The following MROH9 variants were observed in gnomAD, a reference collection of about 807,000 sequenced individuals.
The protein encoded by MROH9 is maestro heat-like repeat-containing protein family member 9.
In MROH9, 92 loss-of-function variants were observed where a neutral mutation model predicts 98.2. The observed-to-expected ratio is 0.94, with a 90% CI of 0.79 to 1.11. MROH9 has a LOEUF of 1.11. Ranked by LOEUF, MROH9 falls within the 50% of genes most tolerant of loss-of-function variation. MROH9 has a pLI of 0.00. For synonymous variants in MROH9, 397 were observed against 368.9 expected (o/e 1.08, Z -0.87); for missense variants, 1,057 against 1,014.8 (o/e 1.04, Z -0.57).
At chr1:171,009,491 T>C (rs1652072250) in intron 15 of MROH9, among the ~76,000 whole-genome samples, 2 of 152,152 alleles carry the variant, frequency 1.3e-5, no homozygotes, top group South Asian at 4.1e-4. Flanking sequence ...AATAAGTAAA[T>C]ATATTAATCC....
At chr1:170,972,829 T>TACAC (rs3980699) in intron 8 of MROH9, among the ~76,000 whole-genome samples, 4,669 of 128,624 alleles carry the variant, frequency 0.036, 138 homozygotes, top group African/African-American at 0.053. Flanking sequence ...AAAAAAAAAA[T>TACAC]ACACACACAC....
At chr1:171,002,596 T>C (rs1423345693) in intron 15 of MROH9, among the ~76,000 whole-genome samples, 1 of 152,204 alleles carries the variant, frequency 6.6e-6, no homozygotes, top group Non-Finnish European at 1.5e-5. Context: ...CCCTTCTAGA[T>C]TGTAGGGTTT....
intron 20 of MROH9, among the ~76,000 whole-genome samples, chr1:171,048,291 A>C (rs1035606804): frequency 6.6e-6 from 1 of 152,188 alleles, no homozygotes; most frequent in Non-Finnish European, 1.5e-5. Context: ...GCCAGGGACT[A>C]GGGTCAAAAA....
intron 12 of MROH9, among the ~76,000 whole-genome samples, chr1:170,994,175 C>A (rs916643989): frequency 6.6e-6 from 1 of 152,076 alleles, no homozygotes; most frequent in Admixed American, 6.6e-5. Flanking sequence ...ATTGAGATCT[C>A]GGCTCTTTGG....
intron 3 of MROH9, among the ~76,000 whole-genome samples, chr1:170,951,766 T>C (rs1007335224): frequency 5.3e-5 from 8 of 152,082 alleles, no homozygotes; most frequent in African/African-American, 1.9e-4. Context: ...TGCTAAGTCC[T>C]ATAAAGACAG....
intron 20 of MROH9, among the ~76,000 whole-genome samples, chr1:171,057,276 C>G (rs954444536): frequency 1.3e-5 from 2 of 152,138 alleles, no homozygotes; most frequent in East Asian, 3.9e-4. Flanking sequence ...ACAGAAATGA[C>G]CTAATGGAGC....
chr1:171,062,064 A>T, intron 20 of MROH9, 68 bp from the exon 21 acceptor site: 1 of 996,940 alleles, frequency 1.0e-6, no homozygotes, highest in South Asian at 1.4e-5. Context: ...GAAGGTAGCC[A>T]GATAACATCA....
At chr1:170,941,601 T>C (rs1390745058) in intron 1 of MROH9, among the ~76,000 whole-genome samples, 1 of 152,200 alleles carries the variant, frequency 6.6e-6, no homozygotes, top group African/African-American at 2.4e-5. Flanking sequence ...ACTGCACTCA[T>C]CTTTCCATTG....
chr1:171,007,801 C>T (rs1652015800), intron 15 of MROH9, among the ~76,000 whole-genome samples: 2 of 152,130 alleles, frequency 1.3e-5, no homozygotes, highest in African/African-American at 4.8e-5. Context: ...ACCCTGGTTT[C>T]CTTGGTGGAT....
intron 20 of MROH9, among the ~76,000 whole-genome samples, chr1:171,046,622 T>G (rs1046846513): frequency 1.3e-5 from 2 of 152,208 alleles, no homozygotes; most frequent in African/African-American, 4.8e-5. Context: ...TTGTACTATG[T>G]CTTGAAAAGT....
At chr1:170,968,091 T>C (rs1369364679) in intron 7 of MROH9, among the ~76,000 whole-genome samples, 2 of 152,052 alleles carry the variant, frequency 1.3e-5, no homozygotes, top group African/African-American at 4.8e-5. Context: ...GGCAGGGGAA[T>C]TGAATGGTGG....
At chr1:171,051,792 A>G (rs963487534) in intron 20 of MROH9, among the ~76,000 whole-genome samples, 1 of 152,192 alleles carries the variant, frequency 6.6e-6, no homozygotes, top group African/African-American at 2.4e-5. Context: ...TATTTTCATC[A>G]GGGATAGTGG....
intron 15 of MROH9, among the ~76,000 whole-genome samples, chr1:171,003,517 G>A (rs910349186): frequency 1.3e-5 from 2 of 152,192 alleles, no homozygotes; most frequent in African/African-American, 4.8e-5. Context: ...TCTCTTTTCT[G>A]GGTCTAGCCA....
intron 13 of MROH9, 134 bp from the exon 14 acceptor site, chr1:170,996,373 T>A (rs1651565825): frequency 7.6e-6 from 7 of 917,452 alleles, no homozygotes; most frequent in South Asian, 1.8e-5. Context: ...CATTTAGCAA[T>A]CTTTTTCCAT....
chr1:171,059,740 G>A (rs550069577), intron 20 of MROH9, among the ~76,000 whole-genome samples: 3 of 152,228 alleles, frequency 2.0e-5, no homozygotes, highest in East Asian at 1.9e-4. Context: ...GGACATGGAC[G>A]AAGATGGAAG....
At position 170,996,614 on chromosome 1, in the gene MROH9, G is replaced by A. The variant is rs1161822351; in HGVS notation, c.1445G>A (p.Cys482Tyr). ...TGGGACCAGTTATCTGAAGATCTGT[G>A]TTACTATCATGGAGTCTGCTTTATT... is the stretch of plus-strand genomic sequence containing the variant. ...NFWDQLSEDL[C>Y]YYHGVCFIAK... The change falls in exon 14 of 22, where the codon TGT becomes TAT. Residue 482 changes from cysteine to tyrosine, a missense_variant. Coordinates refer to ENST00000367759, the MANE Select transcript of MROH9 (RefSeq NM_001163629.2). 1 of 1,613,516 alleles carries A rather than the reference G, an allele frequency of 6.2e-7. No homozygotes were observed. The highest frequency in any genetic ancestry group is 8.5e-7 in the Non-Finnish European group (1 of 1,179,642).
At position 171,024,678 on chromosome 1, in the gene MROH9, C is replaced by G; in HGVS notation, c.2091C>G (p.Thr697=). Residue 697 remains threonine (T), a synonymous_variant, in exon 19 of 22, where the codon ACC becomes ACG. Coordinates refer to ENST00000367759, the MANE Select transcript of MROH9 (RefSeq NM_001163629.2). ...GTAAATATACATTAAAAATCTGTACCTCACAATTAAAGTGGTCAACATCAC... is the reference window on the plus strand; with the variant it reads ...GTAAATATACATTAAAAATCTGTACGTCACAATTAAAGTGGTCAACATCAC... ...EACKYTLKIC[T]SQLKWSTSRL... is the part of the protein sequence containing the mutation. 1 of 1,550,982 alleles carries G rather than the reference C, an allele frequency of 6.4e-7. No homozygotes were observed. Among genetic ancestry groups the G allele is most frequent in the Non-Finnish European group, 8.7e-7 (1 of 1,146,568 alleles).
chr1:171,048,049 T>A (rs1189713686), intron 20 of MROH9, among the ~76,000 whole-genome samples: 1 of 152,178 alleles, frequency 6.6e-6, no homozygotes, highest in African/African-American at 2.4e-5. Flanking sequence ...AAGCAGGGGA[T>A]AGAGTTACAT....
chr1:171,063,635 T>G (rs1463753731), intron 21 of MROH9, among the ~76,000 whole-genome samples: 1 of 152,228 alleles, frequency 6.6e-6, no homozygotes. Context: ...TCACTTACCT[T>G]TATAATATAA....
Sources: gnomAD v4.1 joint callset for allele counts (sites outside exome capture counted in the v4.1 genomes callset) on GRCh38, gnomAD v4.1.1 for gene constraint, MANE v1.5 for transcripts, NCBI Gene and HGNC (gene_info 2026-07-23, HGNC 2026-07-21) for gene names.